Variants in ANK3 observed in about 807,000 individuals in gnomAD.
ANK3 encodes the protein ankyrin 3, also known as ankyrin-3.
Under a neutral mutation model 370.9 loss-of-function variants are expected in ANK3, and 57 were observed. The observed-to-expected ratio is 0.15, with a 90% CI of 0.12 to 0.19. The LOEUF is 0.19. Ranked by LOEUF, ANK3 falls within the 10% of genes least tolerant of loss-of-function variation. The probability of loss-of-function intolerance (pLI) is 1.00; values close to 1 mark genes in which losing one functional copy is unlikely to be tolerated. For synonymous variants in ANK3, 1,929 were observed against 1,946.3 expected, an observed-to-expected ratio of 0.99 and a Z score of 0.23; for missense variants, 4,439 against 5,302.1, an observed-to-expected ratio of 0.84 and a Z score of 5.06.
At chr10:60,170,243 G>A (rs548227197) in intron 21 of ANK3, among the ~76,000 whole-genome samples, 2 of 152,238 alleles carry the variant, frequency 1.3e-5, no homozygotes, top group East Asian at 3.9e-4. Flanking sequence ...GCCACATCAT[G>A]TATTTTACTC....
At chr10:60,138,601 A>T (rs550283158) in intron 24 of ANK3, 14 of 442,884 alleles carry the variant, frequency 3.2e-5, no homozygotes, top group African/African-American at 2.4e-4. Context: ...CATATTTCTC[A>T]CTTATTAGCA....
At chr10:60,273,377 T>A (rs138054769) in intron 4 of ANK3, among the ~76,000 whole-genome samples, 2 of 152,252 alleles carry the variant, frequency 1.3e-5, no homozygotes, top group African/African-American at 4.8e-5. Flanking sequence ...AGCTCACCTT[T>A]TAAAAGTGTA....
chr10:60,182,174 A>C (rs2096211731), intron 17 of ANK3, among the ~76,000 whole-genome samples: 1 of 152,164 alleles, frequency 6.6e-6, no homozygotes. Flanking sequence ...CTGTTTACAA[A>C]GTGAACACTG....
At chr10:60,652,124 A>G (rs2078797010) in intron 1 of ANK3, among the ~76,000 whole-genome samples, 2 of 152,136 alleles carry the variant, frequency 1.3e-5, no homozygotes, top group Non-Finnish European at 2.9e-5. Context: ...TGGGAGGCCA[A>G]GTAATCCCAG....
In ANK3 at chr10:60,523,129, A is replaced by T. The variant is rs1029121457; in HGVS notation, c.96+92057T>A. 4.6e-5 allele frequency among the ~76,000 whole-genome samples: 7 copies of T among 151,964 alleles called. 1 individual carries two copies. Among genetic ancestry groups the T allele is most frequent in the African/African-American group, 1.4e-4 (6 of 41,440 alleles). The stretch of plus-strand genomic sequence containing the variant: ...TACTTTTGCCCATTTCAGAGTCTTT[A>T]ACAGCCTTTCCTGGTATATGCAGAA... On this transcript the variant is annotated intron_variant, in intron 2 of 43. Coordinates refer to the ANK3 transcript ENST00000373827.
intron 1 of ANK3, among the ~76,000 whole-genome samples, chr10:60,291,353 T>A (rs2041342068): frequency 6.6e-6 from 1 of 152,174 alleles, no homozygotes; most frequent in Admixed American, 6.6e-5. Flanking sequence ...TTTGTCTTGA[T>A]TTGCACCAGG....
intron 1 of ANK3, among the ~76,000 whole-genome samples, chr10:60,688,846 G>A (rs1472800030): frequency 6.6e-6 from 1 of 152,044 alleles, no homozygotes; most frequent in Non-Finnish European, 1.5e-5. Flanking sequence ...TACTCAGGAA[G>A]CTGAGGCAGG....
intron 1 of ANK3, among the ~76,000 whole-genome samples, chr10:60,685,693 G>A (rs1352353296): frequency 1.3e-5 from 2 of 152,164 alleles, no homozygotes; most frequent in African/African-American, 4.8e-5. Context: ...GACCTAGAAT[G>A]AAGACCTTGG....
chr10:60,041,193 C>G (rs1347576350), intron 43 of ANK3, among the ~76,000 whole-genome samples: 2 of 152,220 alleles, frequency 1.3e-5, no homozygotes, highest in Admixed American at 6.5e-5. Context: ...TTAACAACTA[C>G]CCTGCATTTA....
chr10:60,495,715 T>G (rs1316290323), intron 2 of ANK3, among the ~76,000 whole-genome samples: 1 of 152,142 alleles, frequency 6.6e-6, no homozygotes, highest in African/African-American at 2.4e-5. Context: ...CATTCTAGCA[T>G]ATAGGGTAGA....
chr10:60,540,492 T>C (rs765788537), intron 2 of ANK3, among the ~76,000 whole-genome samples: 2 of 151,878 alleles, frequency 1.3e-5, no homozygotes, highest in Non-Finnish European at 2.9e-5. Context: ...TTATTACAAC[T>C]GGGTTAAATT....
intron 2 of ANK3, among the ~76,000 whole-genome samples, chr10:60,549,185 G>A (rs78509710): frequency 0.023 from 3,509 of 150,878 alleles, 155 homozygotes; most frequent in African/African-American, 0.082. Context: ...ATACCATCAT[G>A]TTGACCAGGG....
At chr10:60,120,705 C>T (rs1011340023) in intron 25 of ANK3, among the ~76,000 whole-genome samples, 2 of 151,988 alleles carry the variant, frequency 1.3e-5, no homozygotes, top group Admixed American at 6.6e-5. Context: ...AATGGCAAAC[C>T]GGTATGTGAA....
chr10:60,487,855 C>T (rs367601386), intron 2 of ANK3, among the ~76,000 whole-genome samples: 1 of 152,016 alleles, frequency 6.6e-6, no homozygotes, highest in African/African-American at 2.4e-5. Context: ...GCTGGGACTA[C>T]AGGCATGCTC....
intron 1 of ANK3, among the ~76,000 whole-genome samples, chr10:60,387,302 T>C (rs1417958388): frequency 6.6e-6 from 1 of 152,200 alleles, no homozygotes; most frequent in Non-Finnish European, 1.5e-5. Flanking sequence ...TAGGCCTTCA[T>C]CAGGATCTTA....
intron 28 of ANK3, among the ~76,000 whole-genome samples, chr10:60,089,362 C>G (rs1028307508): frequency 5.9e-5 from 9 of 152,080 alleles, no homozygotes; most frequent in Non-Finnish European, 1.3e-4. Flanking sequence ...CGTGGCTCAC[C>G]CTCCTGTCAC....
At chr10:60,700,236 A>G (rs1320185401) in intron 1 of ANK3, among the ~76,000 whole-genome samples, 2 of 152,316 alleles carry the variant, frequency 1.3e-5, no homozygotes, top group Non-Finnish European at 2.9e-5. Flanking sequence ...AATAATTCCA[A>G]TACAGATAAA....
rs765143081 is a variant in ANK3, at chr10:60,042,662, C to T, written c.*19+10G>A. The T allele has an allele frequency of 2.5e-6, 4 of 1,611,206 alleles. No individual in the cohort carries two copies. In the Admixed American group the frequency reaches 5.0e-5, roughly 20 times the overall value. On this transcript the variant is annotated intron_variant, in intron 43 of 43. Coordinates refer to ENST00000280772, the MANE Select transcript of ANK3 (RefSeq NM_020987.5). Reference sequence around the variant, plus strand: ...TAAGTCCTACTGTTGTTGATATGAACACACCTCACCTTGACTGACCGTTCG... The same window carrying T: ...TAAGTCCTACTGTTGTTGATATGAATACACCTCACCTTGACTGACCGTTCG...
intron 2 of ANK3, among the ~76,000 whole-genome samples, chr10:60,428,028 C>T (rs985501436): frequency 6.6e-6 from 1 of 152,140 alleles, no homozygotes; most frequent in Non-Finnish European, 1.5e-5. Context: ...TGTCTAGCCC[C>T]AGAGCCCACA....
Sources: gnomAD v4.1 joint callset for allele counts (sites outside exome capture counted in the v4.1 genomes callset) on GRCh38, gnomAD v4.1.1 for gene constraint, MANE v1.5 for transcripts, NCBI Gene and HGNC (gene_info 2026-07-23, HGNC 2026-07-21) for gene names.